Variants in TRAPPC9 observed in about 807,000 individuals in gnomAD.
The protein encoded by TRAPPC9 is IKK2 binding protein.
A neutral mutation model predicts 124.0 loss-of-function variants in TRAPPC9; 83 were observed. The ratio of observed to expected loss-of-function variants is 0.67; its 90% CI spans 0.56 to 0.80. The LOEUF (loss-of-function observed/expected upper bound fraction) is 0.80. Among genes scored for constraint, TRAPPC9 ranks in the 30% least tolerant of loss-of-function variants. TRAPPC9 has a pLI of 0.00. For missense variants in TRAPPC9, 1,302 were observed against 1,508.3 expected (o/e 0.86, Z 2.27); for synonymous variants, 638 against 617.5 (o/e 1.03, Z -0.49).
At chr8:140,003,176 T>A (rs1361871105) in intron 18 of TRAPPC9, among the ~76,000 whole-genome samples, 1 of 151,964 alleles carries the variant, frequency 6.6e-6, no homozygotes, top group Non-Finnish European at 1.5e-5. Flanking sequence ...ACGAATAACC[T>A]AATAAAACAT....
At chr8:140,024,148 G>A in intron 17 of TRAPPC9, 69 bp from the exon 18 acceptor site, 2 of 1,581,956 alleles carry the variant, frequency 1.3e-6, no homozygotes, top group Non-Finnish European at 1.7e-6. Flanking sequence ...CCACCAGGAG[G>A]CAAGCGGCTT....
Position 139,788,501 on chromosome 8 carries a change from C to G in TRAPPC9, c.3056-56299G>C, listed in dbSNP as rs1311862287. Among the ~76,000 whole-genome samples the G allele has an allele frequency of 3.9e-5, 6 of 152,196 alleles. No homozygotes were observed. The highest frequency in any genetic ancestry group is 8.8e-5 in the Non-Finnish European group (6 of 68,032). On this transcript the variant is annotated intron_variant, in intron 21 of 22. Transcript: ENST00000438773. The surrounding 1 kb of genome is among the most constrained non-coding windows in gnomAD (Gnocchi z 4.9). ...TGGTGCCAGCACCCTCCAGGCACAG[C>G]CAGCCATCGGGCGGCCCATGGTCCT...
chr8:140,272,373 T>TAGTGAG (rs1461223127), intron 15 of TRAPPC9, among the ~76,000 whole-genome samples: 3 of 98,978 alleles, frequency 3.0e-5, no homozygotes, highest in African/African-American at 1.4e-4. Context: ...GTAGTGAGGG[T>TAGTGAG]GGTGGTGATG....
At chr8:139,837,137 C>G (rs1826413474) in intron 21 of TRAPPC9, among the ~76,000 whole-genome samples, 1 of 152,174 alleles carries the variant, frequency 6.6e-6, no homozygotes, top group South Asian at 2.1e-4. Context: ...CGGTAAACTT[C>G]AAAGCTCAAG....
intron 10 of TRAPPC9, among the ~76,000 whole-genome samples, chr8:140,305,826 T>C (rs1363763012): frequency 6.6e-6 from 1 of 152,230 alleles, no homozygotes; most frequent in Non-Finnish European, 1.5e-5. Flanking sequence ...ACATTTCATT[T>C]GATCCATGCA....
intron 9 of TRAPPC9, among the ~76,000 whole-genome samples, chr8:140,314,145 C>T (rs1014125214): frequency 3.9e-5 from 6 of 152,190 alleles, no homozygotes; most frequent in African/African-American, 1.4e-4. Flanking sequence ...GGAACGCAGA[C>T]AACACAGACA....
At chr8:140,164,984 A>G (rs1261229428) in intron 17 of TRAPPC9, among the ~76,000 whole-genome samples, 2 of 152,200 alleles carry the variant, frequency 1.3e-5, no homozygotes, top group Non-Finnish European at 1.5e-5. Context: ...CTTGCTCGTA[A>G]TAAGGTAATG....
At chr8:139,941,906 G>T (rs1229377268) in intron 19 of TRAPPC9, among the ~76,000 whole-genome samples, 1 of 152,206 alleles carries the variant, frequency 6.6e-6, no homozygotes, top group Non-Finnish European at 1.5e-5. Flanking sequence ...GAGCATATCT[G>T]AAGGAGCCCC....
chr8:139,935,669 C>CT (rs377706417), intron 19 of TRAPPC9, among the ~76,000 whole-genome samples: 165 of 132,548 alleles, frequency 1.2e-3, no homozygotes, highest in Admixed American at 2.2e-3. Flanking sequence ...TCAGTCTTTG[C>CT]TTTTTTTTTT....
Position 139,825,830 on chromosome 8 carries a change from C to T in TRAPPC9, c.3055+60049G>A, listed in dbSNP as rs1390322495. Reference sequence around the variant, plus strand: ...CGATGGCCGGAGCTGAGTGTCAACGCCCAAGGATTTCCAGGGCTTCCTCAC... The same window carrying T: ...CGATGGCCGGAGCTGAGTGTCAACGTCCAAGGATTTCCAGGGCTTCCTCAC... On this transcript the variant is annotated intron_variant, in intron 21 of 22. Transcript: ENST00000438773. The surrounding 1 kb of genome is among the most constrained non-coding windows in gnomAD (Gnocchi z 4.6). Among the ~76,000 whole-genome samples the T allele has an allele frequency of 1.3e-5, 2 of 152,012 alleles. No homozygotes were observed. Among genetic ancestry groups the T allele is most frequent in the African/African-American group, 4.8e-5 (2 of 41,374 alleles).
At chr8:140,281,031 C>G (rs549090254) in intron 14 of TRAPPC9, among the ~76,000 whole-genome samples, 10 of 152,354 alleles carry the variant, frequency 6.6e-5, no homozygotes, top group African/African-American at 2.4e-4. Flanking sequence ...TCTGCTGACC[C>G]ATTCACCAGC....
rs1563706790 is a variant in TRAPPC9 at position 140,033,672 on chromosome 8, T to TTTTTTG, written c.2557-9594_2557-9593insCAAAAA. The stretch of plus-strand genomic sequence containing the variant: ...TTCATAATGTGGTTTTTTTTTTTTT[T>TTTTTTG]TTTTTTTTTTTTTTTTTTTTTTTTT... On this transcript the variant is annotated intron_variant, in intron 17 of 22. Coordinates refer to ENST00000438773, the MANE Select transcript of TRAPPC9 (RefSeq NM_001160372.4). Among the ~76,000 whole-genome samples, 191 of 94,210 alleles carry TTTTTTG rather than the reference T, an allele frequency of 2.0e-3. 9 individuals are homozygous for TTTTTTG. Among genetic ancestry groups the TTTTTTG allele is most frequent in the Non-Finnish European group, 3.2e-3 (155 of 48,226 alleles). The allele number at this position is 94,210 out of a possible 152,430, so 61.8% of individuals were successfully genotyped here. A position where few individuals can be genotyped will look rare whatever the true frequency, so the allele number is the denominator to read the frequency against.
chr8:140,359,964 A>G (rs1374999584), intron 9 of TRAPPC9, 86 bp downstream of exon 9: 2 of 1,593,390 alleles, frequency 1.3e-6, no homozygotes, highest in Non-Finnish European at 1.7e-6. Flanking sequence ...ACTGAAACCC[A>G]AGCCCAGGGT....
chr8:140,124,886 G>C (rs2061055956), intron 17 of TRAPPC9, among the ~76,000 whole-genome samples: 1 of 152,198 alleles, frequency 6.6e-6, no homozygotes, highest in African/African-American at 2.4e-5. Flanking sequence ...TTAATACGTA[G>C]TTTCATATTT....
At chr8:140,354,706 G>C (rs1351088507) in intron 9 of TRAPPC9, among the ~76,000 whole-genome samples, 1 of 152,142 alleles carries the variant, frequency 6.6e-6, no homozygotes, top group Non-Finnish European at 1.5e-5. Flanking sequence ...AGAAATGTTA[G>C]TTATCAAGTC....
intron 18 of TRAPPC9, among the ~76,000 whole-genome samples, chr8:140,004,567 GA>G (rs1378313873): frequency 6.6e-6 from 1 of 151,944 alleles, no homozygotes; most frequent in Non-Finnish European, 1.5e-5. Flanking sequence ...AGGCTCCAGT[GA>G]AAAAAAGTAA....
At chr8:140,174,998 G>A (rs973605147) in intron 17 of TRAPPC9, among the ~76,000 whole-genome samples, 2 of 133,138 alleles carry the variant, frequency 1.5e-5, no homozygotes, top group Non-Finnish European at 3.4e-5. Context: ...AATGCACCTG[G>A]GGATTTTTTT....
rs547490170 is a variant in TRAPPC9 at position 140,236,298 on chromosome 8, G to C, written c.2432-14715C>G. ...GGGATTCACCATGTTGGCCAGGCTG[G>C]TCTCGAACTTCTGGCTTCAAGTGAT... On this transcript the variant is annotated intron_variant, in intron 16 of 22. Transcript: ENST00000438773. 3.3e-5 allele frequency among the ~76,000 whole-genome samples: 5 copies of C among 152,282 alleles called. No individual in the cohort carries two copies. In the South Asian group the frequency reaches 1.0e-3, roughly 32 times the overall value.
At chr8:139,779,681 A>G (rs2130514085) in intron 21 of TRAPPC9, among the ~76,000 whole-genome samples, 1 of 152,292 alleles carries the variant, frequency 6.6e-6, no homozygotes, top group East Asian at 1.9e-4. Flanking sequence ...AAATGCAACC[A>G]CTAAGATAAT....
Sources: allele counts gnomAD v4.1 joint callset (sites outside exome capture counted in the v4.1 genomes callset), GRCh38; gene constraint gnomAD v4.1.1; non-coding constraint Gnocchi (gnomAD v3.1); transcripts MANE v1.5; gene names NCBI Gene and HGNC (gene_info 2026-07-23, HGNC 2026-07-21).